C7: variants seen among roughly 807,000 people sequenced by gnomAD.
C7 encodes the protein complement component C7.
In C7, 83 loss-of-function variants were observed where a neutral mutation model predicts 104.8. The observed-to-expected ratio is 0.79, with a 90% CI of 0.66 to 0.95. The LOEUF (loss-of-function observed/expected upper bound fraction) is 0.95. Among genes scored for constraint, C7 ranks in the 40% least tolerant of loss-of-function variants. The pLI is 0.00. For synonymous variants in C7, 415 were observed against 360.6 expected (o/e 1.15, Z -1.71); for missense variants, 1,070 against 1,011.2 (o/e 1.06, Z -0.79).
chr5:40,964,112 G>A (rs1318580426), intron 13 of C7, among the ~76,000 whole-genome samples: 2 of 125,122 alleles, frequency 1.6e-5, no homozygotes, highest in Non-Finnish European at 3.2e-5. Context: ...GCACTATCTC[G>A]CCTCACTGCA....
chr5:40,949,883 C>A, intron 8 of C7, 21 bp from the exon 9 acceptor site: 1 of 1,421,450 alleles, frequency 7.0e-7, no homozygotes. Context: ...AAACATGTCT[C>A]TTTTACATTT....
intron 14 of C7, among the ~76,000 whole-genome samples, chr5:40,969,947 ATT>A (rs556530091): frequency 7.3e-5 from 11 of 151,240 alleles, no homozygotes; most frequent in African/African-American, 2.7e-4. Flanking sequence ...CAGTCTTTCT[ATT>A]TTTTTTGTCT....
intron 14 of C7, among the ~76,000 whole-genome samples, chr5:40,967,324 A>G (rs919043772): frequency 6.6e-6 from 1 of 152,146 alleles, no homozygotes; most frequent in Non-Finnish European, 1.5e-5. Flanking sequence ...TTGGCCTCCC[A>G]AAGTGTTGAG....
intron 2 of C7, among the ~76,000 whole-genome samples, chr5:40,930,530 C>T (rs1184617268): frequency 1.3e-5 from 2 of 151,430 alleles, no homozygotes; most frequent in African/African-American, 4.9e-5. Context: ...TTTATTATTT[C>T]TACAATTCTA....
At chr5:40,944,234 C>T (rs1288710177) in intron 6 of C7, among the ~76,000 whole-genome samples, 2 of 152,178 alleles carry the variant, frequency 1.3e-5, no homozygotes. Flanking sequence ...ATAGAACAAA[C>T]ACAGTGAGAG....
At chr5:40,977,726 G>C (rs968540690) in intron 16 of C7, among the ~76,000 whole-genome samples, 1 of 152,326 alleles carries the variant, frequency 6.6e-6, no homozygotes, top group Non-Finnish European at 1.5e-5. Flanking sequence ...GGAAGTCCAC[G>C]ATGTGGCCCA....
chr5:40,951,611 C>T (rs369510974), intron 9 of C7, among the ~76,000 whole-genome samples: 1 of 152,056 alleles, frequency 6.6e-6, no homozygotes, highest in African/African-American at 2.4e-5. Context: ...CCCCATGAAT[C>T]GAGAATAAAC....
intron 16 of C7, among the ~76,000 whole-genome samples, chr5:40,977,840 A>G (rs2329432): frequency 0.79 from 119,604 of 152,118 alleles, 47,117 homozygotes; most frequent in South Asian, 0.93. Context: ...TTAAAATTAA[A>G]AACCAACACA....
chr5:40,941,913 G>A (rs1429878602), intron 6 of C7, among the ~76,000 whole-genome samples: 1 of 152,208 alleles, frequency 6.6e-6, no homozygotes, highest in African/African-American at 2.4e-5. Context: ...GGAGAACACT[G>A]TTCCTCTTGG....
intron 14 of C7, among the ~76,000 whole-genome samples, chr5:40,969,848 C>G (rs567795088): frequency 4.1e-4 from 62 of 152,018 alleles, no homozygotes; most frequent in Admixed American, 6.6e-4. Flanking sequence ...ATTAGACTTC[C>G]CTTCTCTCTG....
intron 8 of C7, among the ~76,000 whole-genome samples, 187 bp from the exon 9 acceptor site, chr5:40,949,717 G>C (rs186591718): frequency 1.9e-4 from 29 of 152,218 alleles, no homozygotes; most frequent in Admixed American, 1.7e-3. Context: ...CTGATAGAAG[G>C]AAAATAACAA....
rs762157197 is a variant in C7, at chr5:40,955,568, G to C, written c.1260+15G>C. The C allele has an allele frequency of 1.9e-6, 3 of 1,603,520 alleles. No homozygotes were observed. The South Asian group carries it at 3.4e-5, about 18-fold the overall frequency. On this transcript the variant is annotated intron_variant, in intron 10 of 17. Transcript: ENST00000313164. ...TAAAACAAAAGGTATGTCAGGCTTT[G>C]TTTAAAGCAATAGGAAGCAGTCATG... is the stretch of plus-strand genomic sequence containing the variant.
chr5:40,974,855 G>C (rs1207003820), intron 15 of C7, among the ~76,000 whole-genome samples: 1 of 152,158 alleles, frequency 6.6e-6, no homozygotes, highest in Non-Finnish European at 1.5e-5. Flanking sequence ...CTAGATTAAG[G>C]CTTCTCAACC....
chr5:40,972,469 C>T lies in C7; in HGVS notation c.1949C>T (p.Thr650Ile), dbSNP rs1740721214. ...AGTCACCCCCAAAAACCTTTCTACA[C>T]AGTTGGTGAGAAGGTGACTGTTTCC... is the stretch of plus-strand genomic sequence containing the variant. The part of the protein sequence containing the change: ...IQSHPQKPFY[T>I]VGEKVTVSCS... The change falls in exon 15 of 18, where the codon ACA (threonine) becomes ATA (isoleucine). Residue 650 changes from threonine (T) to isoleucine (I), a missense_variant. Thr to Ile is a moderately conservative substitution (Grantham distance 89). Coordinates refer to ENST00000313164, the MANE Select transcript of C7 (RefSeq NM_000587.4). 2 of 1,613,722 alleles carry T rather than the reference C, an allele frequency of 1.2e-6. No individual in the cohort carries two copies. The highest frequency in any genetic ancestry group is 2.7e-5 in the African/African-American group (2 of 74,916).
intron 5 of C7, 98 bp downstream of exon 5, chr5:40,936,583 T>G: frequency 9.0e-7 from 1 of 1,109,636 alleles, no homozygotes; most frequent in Non-Finnish European, 1.3e-6. Flanking sequence ...AGTCTTCTAA[T>G]AGGCAAGATT....
rs749893805 is a variant in C7, at chr5:40,955,390, C to G, written c.1097C>G (p.Thr366Ser). 1 of 1,603,900 alleles carries G rather than the reference C, an allele frequency of 6.2e-7. No individual in the cohort carries two copies. Among genetic ancestry groups the G allele is most frequent in the Non-Finnish European group, 8.5e-7 (1 of 1,176,302 alleles). Residue 366 changes from threonine (T) to serine (S), a missense_variant, in exon 10 of 18, where the codon ACC (threonine) becomes AGC (serine). Physicochemically the swap from Thr to Ser is moderately conservative, Grantham distance 58. Transcript: ENST00000313164. ...LENALKAASG[T>S]QNNVLRGEPF... ...TCATTTGCTTTCTTCTGTATAGGAACCCAGAACAATGTATTGCGAGGAGAA... is the reference window on the plus strand; with the variant it reads ...TCATTTGCTTTCTTCTGTATAGGAAGCCAGAACAATGTATTGCGAGGAGAA...
In C7 at chr5:40,963,798, T is replaced by A. The variant is rs558751451; in HGVS notation, c.1750-943T>A. On this transcript the variant is annotated intron_variant, in intron 13 of 17. Transcript: ENST00000313164. Reference sequence around the variant, plus strand: ...CTCGCTTCCTGCCATTATAGGTTAGTGAAACGTTCTTGAATCTGACCCAGC... The same window carrying A: ...CTCGCTTCCTGCCATTATAGGTTAGAGAAACGTTCTTGAATCTGACCCAGC... Among the ~76,000 whole-genome samples the A allele has an allele frequency of 5.9e-5, 9 of 152,228 alleles. No individual in the cohort carries two copies. In the South Asian group the frequency reaches 1.9e-3, roughly 32 times the overall value.
rs769529782 is a variant in C7 at position 40,981,552 on chromosome 5, T to C, written c.2511T>C (p.Pro837=). ...GCATCTCTGTCACCAGCATAAGGCC[T>C]TGTGCTGCGGAAACCCAGTAGGCTC... The part of the protein sequence containing the change: ...GQSISVTSIR[P]CAAETQ The change falls in exon 18 of 18, where the codon CCT becomes CCC. Residue 837 remains proline (P), a synonymous_variant. Coordinates refer to ENST00000313164, the MANE Select transcript of C7 (RefSeq NM_000587.4). 2 of 1,611,466 alleles carry C rather than the reference T, an allele frequency of 1.2e-6. No homozygotes were observed. The highest frequency in any genetic ancestry group is 1.3e-5 in the African/African-American group (1 of 75,006).
At chr5:40,960,205 T>G (rs1478719389) in intron 12 of C7, among the ~76,000 whole-genome samples, 2 of 152,198 alleles carry the variant, frequency 1.3e-5, no homozygotes, top group African/African-American at 4.8e-5. Flanking sequence ...AATGCTCAGT[T>G]GATGAATCAT....
Sources: allele counts gnomAD v4.1 joint callset (sites outside exome capture counted in the v4.1 genomes callset), GRCh38; gene constraint gnomAD v4.1.1; transcripts MANE v1.5; gene names NCBI Gene and HGNC (gene_info 2026-07-23, HGNC 2026-07-21).